Variants in RP1 observed in about 807,000 individuals in gnomAD.
RP1 encodes RP1 axonemal microtubule associated, also known as oxygen-regulated protein 1.
A neutral mutation model predicts 14.8 loss-of-function variants in RP1; 16 were observed. That is an observed-to-expected ratio of 1.08 (90% CI 0.73 to 1.65). RP1 has a LOEUF of 1.65. RP1 is among the 40% of genes most tolerant of loss of function. The pLI is 0.00. For synonymous variants in RP1, 876 were observed against 883.6 expected (o/e 0.99, Z 0.15); for missense variants, 2,631 against 2,535.0 (o/e 1.04, Z -0.81).
chr8:54,747,025 C>T (rs1249750968), intron 19 of RP1, among the ~76,000 whole-genome samples: 2 of 152,204 alleles, frequency 1.3e-5, no homozygotes, highest in Non-Finnish European at 2.9e-5. Flanking sequence ...TCCAATCCCT[C>T]AGGAATCTCC....
At chr8:54,613,739 G>A (rs988185382), upstream of RP1, among the ~76,000 whole-genome samples, 2 of 152,162 alleles carry the variant, frequency 1.3e-5, no homozygotes, top group Non-Finnish European at 2.9e-5. Context: ...AAGGCAGGGT[G>A]TCTGGGTTAT....
chr8:54,632,675 G>GT (rs1167783173), downstream of RP1, among the ~76,000 whole-genome samples: 2 of 151,944 alleles, frequency 1.3e-5, no homozygotes, highest in African/African-American at 4.8e-5. Context: ...ATTTTTTTTA[G>GT]TTTTTTTATA....
intron 14 of RP1, among the ~76,000 whole-genome samples, chr8:54,703,803 A>C (rs373875661): frequency 6.6e-6 from 1 of 152,194 alleles, no homozygotes; most frequent in Admixed American, 6.5e-5. Flanking sequence ...CAGCTTCTCC[A>C]TCAGTACTTG....
intron 16 of RP1, among the ~76,000 whole-genome samples, chr8:54,724,195 G>A (rs562605237): frequency 2.3e-4 from 35 of 152,048 alleles, no homozygotes; most frequent in Non-Finnish European, 4.4e-4. Flanking sequence ...TGTATATTAC[G>A]GTCTTAGAAA....
chr8:54,780,871 A>G (rs1450773381), intron 23 of RP1: 1 of 962,664 alleles, frequency 1.0e-6, no homozygotes, highest in African/African-American at 1.8e-5. Flanking sequence ...GGTCAGTTTT[A>G]CATATACTGA....
At chr8:54,790,734 C>G (rs559895172) in intron 24 of RP1, among the ~76,000 whole-genome samples, 2 of 152,062 alleles carry the variant, frequency 1.3e-5, no homozygotes, top group African/African-American at 4.8e-5. Context: ...CAACATTTGA[C>G]TCAATAAAGA....
intron 12 of RP1, among the ~76,000 whole-genome samples, chr8:54,684,199 T>C (rs1320198742): frequency 1.3e-5 from 2 of 152,100 alleles, no homozygotes; most frequent in Non-Finnish European, 2.9e-5. Flanking sequence ...TGATGTGCTG[T>C]TGTATCTGTT....
At chr8:54,737,743 TAAAA>T (rs560266707) in intron 18 of RP1, among the ~76,000 whole-genome samples, 2 of 151,762 alleles carry the variant, frequency 1.3e-5, no homozygotes, top group South Asian at 4.2e-4. Flanking sequence ...GGTGGGCACT[TAAAA>T]AAAAGAATTC....
At chr8:54,749,772 A>G (rs1006702974) in intron 19 of RP1, among the ~76,000 whole-genome samples, 1 of 152,136 alleles carries the variant, frequency 6.6e-6, no homozygotes, top group African/African-American at 2.4e-5. Context: ...CCAGGAGACT[A>G]GAAGTGCTGG....
At chr8:54,592,894 T>A (rs891883300) in intron 1 of RP1, among the ~76,000 whole-genome samples, 14 of 152,144 alleles carry the variant, frequency 9.2e-5, no homozygotes, top group African/African-American at 3.4e-4. Flanking sequence ...AGCAAAAGTT[T>A]CTAGGAAGTG....
intron 27 of RP1, among the ~76,000 whole-genome samples, chr8:54,861,668 T>A (rs1252795987): frequency 6.6e-6 from 1 of 152,112 alleles, no homozygotes; most frequent in Non-Finnish European, 1.5e-5. Context: ...AGTGGTGTGA[T>A]CTTGGCTTAC....
In RP1 at chr8:54,866,014, C is replaced by T. The variant is rs949642835; in HGVS notation, c.4151+98C>T. Reference sequence around the variant, plus strand: ...ATGCCTCATCCCAGCTGTTGGACAACATCATTCCCTCCCTGAAAACCAGAG... The same window carrying T: ...ATGCCTCATCCCAGCTGTTGGACAATATCATTCCCTCCCTGAAAACCAGAG... On this transcript the variant is annotated intron_variant, in intron 28 of 28. Coordinates refer to the RP1 transcript ENST00000637698. The T allele has an allele frequency of 3.1e-5, 14 of 456,518 alleles. No homozygotes were observed. In the Admixed American group the frequency reaches 6.2e-4, roughly 20 times the overall value. The allele number at this position is 456,518 out of a possible 1,614,324, so 28.3% of individuals were successfully genotyped here. A position where few individuals can be genotyped will look rare whatever the true frequency, so the allele number is the denominator to read the frequency against.
chr8:54,640,430 T>C (rs1806431942), intron 3 of RP1, among the ~76,000 whole-genome samples: 1 of 152,238 alleles, frequency 6.6e-6, no homozygotes, highest in East Asian at 1.9e-4. Flanking sequence ...CTTTCAAAAT[T>C]GCTTTGACCA....
At position 54,589,470 on chromosome 8, in the gene RP1, A is replaced by C. The variant is rs546046035; in HGVS notation, c.-13+30150A>C. On this transcript the variant is annotated intron_variant, in intron 1 of 22. Coordinates refer to the RP1 transcript ENST00000636932. Reference sequence around the variant, plus strand: ...CCAATTTTTCAGAGAAAGTGGAAAAAAAGGGCTCTATTTCAACCTACATGA... The same window carrying C: ...CCAATTTTTCAGAGAAAGTGGAAAACAAGGGCTCTATTTCAACCTACATGA... Among the ~76,000 whole-genome samples the C allele has an allele frequency of 2.0e-5, 3 of 152,284 alleles. No homozygotes were observed. In the East Asian group the frequency reaches 5.8e-4, roughly 29 times the overall value.
Position 54,747,097 on chromosome 8 carries a change from T to C in RP1, c.2809-7706T>C, listed in dbSNP as rs377286755. On this transcript the variant is annotated intron_variant, in intron 19 of 22. Coordinates refer to the RP1 transcript ENST00000636932. Reference sequence around the variant, plus strand: ...CTATTTTTCCTCCATCTTATTACCATCACTTCACTCCAAGTTGCATTTTTT... The same window carrying C: ...CTATTTTTCCTCCATCTTATTACCACCACTTCACTCCAAGTTGCATTTTTT... 3.3e-5 allele frequency among the ~76,000 whole-genome samples: 5 copies of C among 152,284 alleles called. No individual in the cohort carries two copies. In the East Asian group the frequency reaches 9.7e-4, roughly 29 times the overall value.
intron 19 of RP1, among the ~76,000 whole-genome samples, chr8:54,743,778 T>A (rs1372131740): frequency 6.6e-6 from 1 of 152,136 alleles, no homozygotes; most frequent in East Asian, 1.9e-4. Flanking sequence ...GGAGAATGGT[T>A]TTTAGACACC....
chr8:54,818,871 A>C (rs1426581164), intron 24 of RP1, among the ~76,000 whole-genome samples: 2 of 152,136 alleles, frequency 1.3e-5, no homozygotes, highest in African/African-American at 4.8e-5. Flanking sequence ...GATGGAGTGC[A>C]TTCTGTGAGG....
At chr8:54,678,221 C>T (rs1365546393) in intron 8 of RP1, among the ~76,000 whole-genome samples, 2 of 152,136 alleles carry the variant, frequency 1.3e-5, no homozygotes, top group Admixed American at 6.5e-5. Flanking sequence ...GAAAAGCCCA[C>T]TGAAATAGAC....
intron 24 of RP1, among the ~76,000 whole-genome samples, chr8:54,807,814 C>A (rs1409253705): frequency 6.6e-6 from 1 of 152,104 alleles, no homozygotes; most frequent in African/African-American, 2.4e-5. Flanking sequence ...AGAAAATCTG[C>A]AGTCCATGTC....
Sources: gnomAD v4.1 joint callset for allele counts (sites outside exome capture counted in the v4.1 genomes callset) on GRCh38, gnomAD v4.1.1 for gene constraint, MANE v1.5 for transcripts, NCBI Gene and HGNC (gene_info 2026-07-23, HGNC 2026-07-21) for gene names.